Variants in ZNF148 observed in about 807,000 individuals in gnomAD.
The protein encoded by ZNF148 is Beta-Enolase Repressor Factor-1.
In ZNF148, 7 loss-of-function variants were observed where a neutral mutation model predicts 67.7. The observed-to-expected ratio is 0.10, with a 90% confidence interval of 0.06 to 0.19. The LOEUF (loss-of-function observed/expected upper bound fraction) is 0.19, where lower values mean the gene tolerates loss of function less well. ZNF148 is among the 10% of genes least tolerant of loss of function. ZNF148 has a pLI of 1.00. For missense variants in ZNF148, 583 were observed against 947.1 expected (o/e 0.62, Z 5.05); for synonymous variants, 333 against 330.7 (o/e 1.01, Z -0.08).
At chr3:125,374,748 A>G (rs1328724159) in intron 1 of ZNF148, among the ~76,000 whole-genome samples, 1 of 151,772 alleles carries the variant, frequency 6.6e-6, no homozygotes, top group Non-Finnish European at 1.5e-5. Context: ...GTGTCTCCCT[A>G]GCCTTTTCAC....
At chr3:125,295,344 T>A (rs1038881416) in intron 4 of ZNF148, among the ~76,000 whole-genome samples, 43 of 151,974 alleles carry the variant, frequency 2.8e-4, no homozygotes, top group Admixed American at 2.3e-3. Context: ...TCCCAGCTAC[T>A]TGGGAGGCTG....
chr3:125,265,724 A>T (rs1937518160), intron 7 of ZNF148, among the ~76,000 whole-genome samples: 1 of 152,206 alleles, frequency 6.6e-6, no homozygotes, highest in South Asian at 2.1e-4. Flanking sequence ...GAAAGAATAT[A>T]TATGATTGAT....
chr3:125,336,395 T>C lies in ZNF148; in HGVS notation c.-233-5157A>G, dbSNP rs548314091. Among the ~76,000 whole-genome samples the C allele has an allele frequency of 2.6e-5, 4 of 152,326 alleles. No homozygotes were observed. The South Asian group carries it at 8.3e-4, about 32-fold the overall frequency. On this transcript the variant is annotated intron_variant, in intron 1 of 8. Transcript: ENST00000360647. ...ATTTAATGAGCCTTTCTGAATGATG[T>C]TTTAAAAAGAATAAAAACTTGTTCC... is the stretch of plus-strand genomic sequence containing the variant.
In ZNF148 at chr3:125,345,399, C is replaced by T. The variant is rs143231929; in HGVS notation, c.-233-14161G>A. Among the ~76,000 whole-genome samples, 827 of 152,054 alleles carry T rather than the reference C, an allele frequency of 5.4e-3. 6 individuals carry two copies. Among genetic ancestry groups the T allele is most frequent in the African/African-American group, 0.019 (774 of 41,474 alleles). On this transcript the variant is annotated intron_variant, in intron 1 of 8. Coordinates refer to ENST00000360647, the MANE Select transcript of ZNF148 (RefSeq NM_021964.3). ...TGGGATGCAGCTAACAACAATCAGA[C>T]GCACTAAATGCTTACATTAGAAATG... is the stretch of plus-strand genomic sequence containing the variant.
Position 125,331,221 on chromosome 3 carries a change from C to CT in ZNF148, c.-217dup. 2 of 398,548 alleles carry CT rather than the reference C, an allele frequency of 5.0e-6. No homozygotes were observed. Among genetic ancestry groups the CT allele is most frequent in the Non-Finnish European group, 8.8e-6 (2 of 226,044 alleles). 24.7% of individuals were successfully genotyped at this position (398,548 alleles called of 1,614,324 possible). On this transcript the variant is annotated 5_prime_UTR_variant, in exon 2 of 9. Coordinates refer to ENST00000360647, the MANE Select transcript of ZNF148 (RefSeq NM_021964.3). ...ATCACGTGCTTGAATTTCCAAGCTGCTGATTCCTCCCTCTATCCTACAAAA... is the reference window on the plus strand; with the variant it reads ...ATCACGTGCTTGAATTTCCAAGCTGCTTGATTCCTCCCTCTATCCTACAAAA...
rs1935685388 is a variant in ZNF148, at chr3:125,227,432, G to A, written c.*4909C>T. The A allele has an allele frequency of 6.6e-6, 1 of 152,452 alleles. No individual in the cohort carries two copies. The highest frequency in any genetic ancestry group is 1.5e-5 in the Non-Finnish European group (1 of 67,990). The allele number at this position is 152,452 out of a possible 1,614,324, so 9.4% of individuals were successfully genotyped here. On this transcript the variant is annotated 3_prime_UTR_variant, in exon 9 of 9. Coordinates refer to ENST00000360647, the MANE Select transcript of ZNF148 (RefSeq NM_021964.3). ...AACACTATATATCAGAAAATTCAAC[G>A]TGCTCCACCATCAGGATTTCCATCA...
intron 4 of ZNF148, among the ~76,000 whole-genome samples, chr3:125,300,517 G>C (rs986341405): frequency 2.0e-5 from 3 of 152,192 alleles, no homozygotes; most frequent in African/African-American, 7.2e-5. Context: ...TATGTTTTGA[G>C]TTTCCTGGGT....
chr3:125,242,985 G>C (rs1333950990), intron 7 of ZNF148, among the ~76,000 whole-genome samples: 1 of 152,122 alleles, frequency 6.6e-6, no homozygotes, highest in East Asian at 1.9e-4. Context: ...CTTCTCGTTT[G>C]TCCTGCTGGA....
At chr3:125,369,999 T>C (rs1265646905) in intron 1 of ZNF148, among the ~76,000 whole-genome samples, 1 of 151,858 alleles carries the variant, frequency 6.6e-6, no homozygotes, top group African/African-American at 2.4e-5. Context: ...AAAAAAATTG[T>C]AAATACTACA....
Position 125,273,596 on chromosome 3 carries a change from C to T in ZNF148, c.667+4130G>A, listed in dbSNP as rs1193283562. 2.7e-5 allele frequency among the ~76,000 whole-genome samples: 4 copies of T among 150,506 alleles called. No individual in the cohort carries two copies. The East Asian group carries it at 5.8e-4, about 22-fold the overall frequency. On this transcript the variant is annotated intron_variant, in intron 7 of 8. Transcript: ENST00000360647. ...ACAACCTCCGCCTCCCAGGTTCAGG[C>T]GATTCTCCTGCCTCAGCCTCCCGAG...
intron 7 of ZNF148, among the ~76,000 whole-genome samples, chr3:125,275,637 A>T (rs921060058): frequency 6.6e-6 from 1 of 152,248 alleles, no homozygotes; most frequent in Non-Finnish European, 1.5e-5. Context: ...ACTAAATGAG[A>T]TATTTAACAC....
At position 125,313,462 on chromosome 3, in the gene ZNF148, G is replaced by A; in HGVS notation, c.179C>T (p.Ala60Val). Residue 60 changes from alanine (A) to valine (V), a missense_variant, in exon 4 of 9, where the codon GCA (alanine) becomes GTA (valine). This residue lies in a region of ZNF148 where 150 missense variants were observed against 202.5 expected (regional missense o/e 0.74). Transcript: ENST00000360647. ...TTCACTTTCTTGTAACACTTCATCT[G>A]CAGCAAGGATCTCCTGGTGAGGCAT... ...RSMPHQEILA[A>V]DEVLQESEMR... 1.9e-6 allele frequency: 3 copies of A among 1,613,932 alleles called. No homozygotes were observed. The highest frequency in any genetic ancestry group is 1.7e-6 in the Non-Finnish European group (2 of 1,180,002).
rs35108764 is a variant in ZNF148, at chr3:125,252,766, C to CA, written c.668-18438dup. Among the ~76,000 whole-genome samples, 827 of 123,796 alleles carry CA rather than the reference C, an allele frequency of 6.7e-3. 7 individuals carry two copies. Among genetic ancestry groups the CA allele is most frequent in the East Asian group, 0.028 (109 of 3,886 alleles). 81.2% of individuals were successfully genotyped at this position (123,796 alleles called of 152,430 possible). A position where few individuals can be genotyped will look rare whatever the true frequency, so the allele number is the denominator to read the frequency against. On this transcript the variant is annotated intron_variant, in intron 7 of 8. Coordinates refer to ENST00000360647, the MANE Select transcript of ZNF148 (RefSeq NM_021964.3). ...CTGGCGACAGAGCAAGACTCTGTCT[C>CA]AAAAAAAAAAAAAAAAAAACCCACA...
At chr3:125,279,080 T>A (rs1174605430) in intron 6 of ZNF148, 44 bp downstream of exon 6, 2 of 1,534,376 alleles carry the variant, frequency 1.3e-6, no homozygotes, top group Non-Finnish European at 1.8e-6. Flanking sequence ...ATAACAAAGA[T>A]AATAACTTTA....
intron 1 of ZNF148, among the ~76,000 whole-genome samples, chr3:125,362,523 C>T (rs1048615635): frequency 6.6e-6 from 1 of 151,624 alleles, no homozygotes; most frequent in African/African-American, 2.4e-5. Flanking sequence ...TCATATGATC[C>T]CCCACCAAAG....
At chr3:125,241,636 G>A (rs565881564) in intron 7 of ZNF148, among the ~76,000 whole-genome samples, 94 of 152,224 alleles carry the variant, frequency 6.2e-4, no homozygotes, top group African/African-American at 2.2e-3. Context: ...ATTTTTCACT[G>A]ATGGAAAGAC....
At chr3:125,282,218 G>A (rs149998092) in intron 5 of ZNF148, among the ~76,000 whole-genome samples, 175 of 152,106 alleles carry the variant, frequency 1.2e-3, no homozygotes, top group African/African-American at 3.7e-3. Flanking sequence ...TTTCTTCCCC[G>A]GTATAGACTT....
At chr3:125,337,533 T>G (rs1941548545) in intron 1 of ZNF148, among the ~76,000 whole-genome samples, 1 of 152,178 alleles carries the variant, frequency 6.6e-6, no homozygotes, top group Admixed American at 6.5e-5. Context: ...AACATTAATT[T>G]TGTAAATAAT....
chr3:125,357,079 C>G (rs4679388), intron 1 of ZNF148: 1 of 152,036 alleles, frequency 6.6e-6, no homozygotes, highest in Admixed American at 6.5e-5. Context: ...CTTCGGCGGC[C>G]CCCCCGCTGT....
Sources: allele counts gnomAD v4.1 joint callset (sites outside exome capture counted in the v4.1 genomes callset), GRCh38; gene constraint gnomAD v4.1.1; regional missense constraint gnomAD v4.1.1; transcripts MANE v1.5; gene names NCBI Gene and HGNC (gene_info 2026-07-23, HGNC 2026-07-21).